Variants in TMTC3 observed in about 807,000 individuals in gnomAD.
TMTC3 encodes transmembrane O-mannosyltransferase targeting cadherins 3.
A neutral mutation model predicts 92.2 loss-of-function variants in TMTC3; 52 were observed. That is an observed-to-expected ratio of 0.56 (90% CI 0.45 to 0.71). TMTC3 has a LOEUF of 0.71. Ranked by LOEUF, TMTC3 falls within the 30% of genes least tolerant of loss-of-function variation. The probability of loss-of-function intolerance (pLI) is 0.00; values close to 1 mark genes in which losing one functional copy is unlikely to be tolerated. For missense variants in TMTC3, 896 were observed against 1,057.1 expected (o/e 0.85, Z 2.11); for synonymous variants, 339 against 363.3 (o/e 0.93, Z 0.76).
chr12:88,171,200 T>A (rs2041201065), intron 7 of TMTC3, among the ~76,000 whole-genome samples: 1 of 152,196 alleles, frequency 6.6e-6, no homozygotes, highest in Non-Finnish European at 1.5e-5. Flanking sequence ...TAGCTTTTTT[T>A]TAATCAGCAT....
intron 1 of TMTC3, among the ~76,000 whole-genome samples, chr12:88,145,309 T>A (rs60127042): frequency 0.012 from 1,866 of 152,244 alleles, 39 homozygotes; most frequent in African/African-American, 0.042. Context: ...AGTTTCCTCA[T>A]GTTGAAGGAA....
Position 88,160,139 on chromosome 12 carries a change from GT to G in TMTC3, c.539del (p.Leu180Ter). 1 of 1,592,252 alleles carries G rather than the reference GT, an allele frequency of 6.3e-7. No individual in the cohort carries two copies. Among genetic ancestry groups the G allele is most frequent in the East Asian group, 2.3e-5 (1 of 43,484 alleles). On this transcript the variant is annotated frameshift_variant, in exon 5 of 14. Transcript: ENST00000266712. LOFTEE classifies it high-confidence loss of function. ...TATGGACTCCAATTGCCTTGACAGT[GT>G]TTTTAGTGGCTGTTGCAACATTATG... is the stretch of plus-strand genomic sequence containing the variant. Reference protein sequence around the residue: ...IIWTPIALTVFLVAVATLCKE... With the variant: ...IIWTPIALTVXLVAVATLCKE...
intron 6 of TMTC3, among the ~76,000 whole-genome samples, chr12:88,161,181 A>G (rs1461138781): frequency 6.6e-6 from 1 of 152,100 alleles, no homozygotes; most frequent in Non-Finnish European, 1.5e-5. Flanking sequence ...ATCTCTGACT[A>G]TACTTGTAGA....
At chr12:88,180,523 G>A (rs1426498296) in intron 10 of TMTC3, among the ~76,000 whole-genome samples, 1 of 152,174 alleles carries the variant, frequency 6.6e-6, no homozygotes, top group Non-Finnish European at 1.5e-5. Context: ...GCATAGTAAG[G>A]AACAAATTAT....
intron 10 of TMTC3, among the ~76,000 whole-genome samples, chr12:88,180,657 G>A (rs1339259248): frequency 1.3e-5 from 2 of 152,124 alleles, no homozygotes; most frequent in African/African-American, 2.4e-5. Context: ...TTCTGGGGCT[G>A]CAGGTGCTGC....
At chr12:88,160,027 A>G (rs1394075633) in intron 4 of TMTC3, 87 bp from the exon 5 acceptor site, 10 of 821,842 alleles carry the variant, frequency 1.2e-5, no homozygotes, top group Non-Finnish European at 1.9e-5. Context: ...ACTCATATGG[A>G]TATGGAATCA....
rs755209597 is a variant in TMTC3 at position 88,172,947 on chromosome 12, A to ATG, written c.1199+204_1199+205dup. On this transcript the variant is annotated intron_variant, in intron 8 of 13. Coordinates refer to ENST00000266712, the MANE Select transcript of TMTC3 (RefSeq NM_181783.4). The stretch of plus-strand genomic sequence containing the variant: ...TTATTCTGTGTTCTTCCCTATATTT[A>ATG]TGTAATTTGATTTTACAGCCTGAGA... The ATG allele has an allele frequency of 1.3e-5, 19 of 1,465,250 alleles. No homozygotes were observed. The South Asian group carries it at 1.9e-4, about 15-fold the overall frequency. 90.8% of individuals were successfully genotyped at this position (1,465,250 alleles called of 1,614,324 possible).
At chr12:88,162,984 C>T (rs7954799) in intron 6 of TMTC3, among the ~76,000 whole-genome samples, 10,493 of 150,668 alleles carry the variant, frequency 0.07, 1,244 homozygotes, top group African/African-American at 0.24. Flanking sequence ...GGCGCAATCT[C>T]GGCTCACCGC....
chr12:88,172,612 G>A lies in TMTC3; in HGVS notation c.1066G>A (p.Ala356Thr). ...KTVLMALCLMALPFIPASNLF... is the reference protein window; with the variant it reads ...KTVLMALCLMTLPFIPASNLF... ...TTTTTTGTAGGCGCTTTGTTTAATG[G>A]CATTACCATTTATTCCTGCATCGAA... The change falls in exon 8 of 14, where the codon GCA becomes ACA. Residue 356 changes from alanine (A) to threonine (T), a missense_variant. By Grantham distance (58) the Ala-to-Thr change is moderately conservative. Coordinates refer to ENST00000266712, the MANE Select transcript of TMTC3 (RefSeq NM_181783.4). 6.8e-7 allele frequency: 1 copy of A among 1,461,442 alleles called. No individual in the cohort carries two copies. The allele number at this position is 1,461,442 out of a possible 1,614,324, so 90.5% of individuals were successfully genotyped here.
At chr12:88,156,994 T>A (rs576121102) in intron 4 of TMTC3, among the ~76,000 whole-genome samples, 5,884 of 152,098 alleles carry the variant, frequency 0.039, 182 homozygotes, top group African/African-American at 0.087. Flanking sequence ...AATACTCATT[T>A]CTAACCTGAA....
In TMTC3 at chr12:88,160,687, G is replaced by A; in HGVS notation, c.633G>A (p.Leu211=). The A allele has an allele frequency of 3.7e-6, 6 of 1,611,828 alleles. No homozygotes were observed. Among genetic ancestry groups the A allele is most frequent in the Non-Finnish European group, 5.1e-6 (6 of 1,179,204 alleles). Residue 211 remains leucine (L), a synonymous_variant, in exon 6 of 14, where the codon TTG becomes TTA. Transcript: ENST00000266712. Reference sequence around the variant, plus strand: ...TTTCTTTTCTTTTTCAGTATACTTTGCCATTACTATGTACTACTGCTGGAC... The same window carrying A: ...TTTCTTTTCTTTTTCAGTATACTTTACCATTACTATGTACTACTGCTGGAC... ...YEVFIAQGYT[L]PLLCTTAGQF...
intron 7 of TMTC3, among the ~76,000 whole-genome samples, chr12:88,167,799 A>C (rs2041162570): frequency 6.6e-6 from 1 of 152,218 alleles, no homozygotes. Flanking sequence ...TTATGTCTGG[A>C]GTTCATAGAA....
At chr12:88,146,564 A>G (rs972932818) in intron 1 of TMTC3, among the ~76,000 whole-genome samples, 1 of 150,790 alleles carries the variant, frequency 6.6e-6, no homozygotes, top group Non-Finnish European at 1.5e-5. Context: ...CACAACTAAC[A>G]GAAGAACCAT....
At chr12:88,153,265 A>G in intron 2 of TMTC3, 26 bp from the exon 3 acceptor site, 1 of 1,557,940 alleles carries the variant, frequency 6.4e-7, no homozygotes, top group African/African-American at 1.4e-5. Context: ...GTACTTTAAT[A>G]ATCACTGATC....
At chr12:88,148,874 T>C (rs191996715) in intron 2 of TMTC3, among the ~76,000 whole-genome samples, 2 of 152,258 alleles carry the variant, frequency 1.3e-5, no homozygotes, top group African/African-American at 4.8e-5. Context: ...TAGTTTTGGC[T>C]TAACTTCTTA....
In TMTC3 at chr12:88,146,558, A is replaced by G. The variant is rs1005211396; in HGVS notation, c.-28-1730A>G. 3.1e-4 allele frequency among the ~76,000 whole-genome samples: 47 copies of G among 151,302 alleles called. No homozygotes were observed. The Middle Eastern group carries it at 0.01, about 33-fold the overall frequency. On this transcript the variant is annotated intron_variant, in intron 1 of 13. Transcript: ENST00000266712. ...AAGCACATGAGTGACCCCAGGCACA[A>G]CTAACAGAAGAACCATATACATACC...
intron 11 of TMTC3, among the ~76,000 whole-genome samples, chr12:88,189,964 A>C (rs897706821): frequency 6.6e-6 from 1 of 152,096 alleles, no homozygotes; most frequent in Non-Finnish European, 1.5e-5. Context: ...AAAATTAACT[A>C]TCCTATCACT....
rs971319055 is a variant in TMTC3 at position 88,198,343 on chromosome 12, T to C, written c.*2694T>C. Reference sequence around the variant, plus strand: ...GAGAGCTTATCACAGGTTTGTATGCTGGTGAATGGATAGTTTTAATTCTCA... The same window carrying C: ...GAGAGCTTATCACAGGTTTGTATGCCGGTGAATGGATAGTTTTAATTCTCA... On this transcript the variant is annotated 3_prime_UTR_variant, in exon 14 of 14. Transcript: ENST00000266712. The C allele has an allele frequency of 7.5e-6, 3 of 397,990 alleles. No homozygotes were observed. The highest frequency in any genetic ancestry group is 1.2e-3 in the Middle Eastern group (2 of 1,606). The allele number at this position is 397,990 out of a possible 1,614,324, so 24.7% of individuals were successfully genotyped here.
chr12:88,152,411 A>T (rs928605380), intron 2 of TMTC3, among the ~76,000 whole-genome samples: 2 of 152,072 alleles, frequency 1.3e-5, no homozygotes, highest in Admixed American at 6.6e-5. Context: ...TGACCCAAAC[A>T]TCTCCCACCA....
Sources: gnomAD v4.1 joint callset for allele counts (sites outside exome capture counted in the v4.1 genomes callset) on GRCh38, gnomAD v4.1.1 for gene constraint, MANE v1.5 for transcripts, NCBI Gene and HGNC (gene_info 2026-07-23, HGNC 2026-07-21) for gene names.